Variants in HSD17B4 observed in about 807,000 individuals in gnomAD.
The protein encoded by HSD17B4 is hydroxysteroid 17-beta dehydrogenase 4.
HSD17B4 carries 70 observed loss-of-function variants against 101.0 expected under a neutral mutation model. That is an observed-to-expected ratio of 0.69 (90% confidence interval 0.57 to 0.85). HSD17B4 has a LOEUF of 0.85. Ranked by LOEUF, HSD17B4 falls within the 40% of genes least tolerant of loss-of-function variation. HSD17B4 has a pLI of 0.00. For missense variants in HSD17B4, 984 were observed against 892.4 expected, an observed-to-expected ratio of 1.10 and a Z score of -1.31; for synonymous variants, 347 against 297.1, an observed-to-expected ratio of 1.17 and a Z score of -1.73.
chr5:119,492,248 A>C (rs750618675), intron 10 of HSD17B4, 124 bp downstream of exon 10: 20 of 782,030 alleles, frequency 2.6e-5, no homozygotes, highest in Non-Finnish European at 4.2e-5. Context: ...TTGCATATTC[A>C]AACTTAAACA....
rs1215297835 is a variant in HSD17B4 at position 119,515,026 on chromosome 5, G to C, written c.1483G>C (p.Asp495His). The C allele has an allele frequency of 6.3e-7, 1 of 1,583,258 alleles. No individual in the cohort carries two copies. Among genetic ancestry groups the C allele is most frequent in the Non-Finnish European group, 8.7e-7 (1 of 1,152,248 alleles). ...PNRPPDAVLT[D>H]TTSLNQAALY... ...TAGACCTCCTGATGCTGTACTTACA[G>C]ATACCACCTCTCTTAATCAGGTAAG... The change falls in exon 17 of 24, where the codon GAT becomes CAT. Residue 495 changes from aspartate to histidine, a missense_variant. Transcript: ENST00000510025.
chr5:119,464,629 G>T (rs1755629882), intron 2 of HSD17B4: 1 of 151,728 alleles, frequency 6.6e-6, no homozygotes, highest in African/African-American at 2.4e-5. Flanking sequence ...ATCTCGCTCT[G>T]TCGCCCAGGT....
Position 119,499,564 on chromosome 5 carries a change from T to C in HSD17B4, c.1209+11T>C. 2 of 1,483,572 alleles carry C rather than the reference T, an allele frequency of 1.3e-6. No homozygotes were observed. The highest frequency in any genetic ancestry group is 1.7e-5 in the Admixed American group (1 of 59,826). 91.9% of individuals were successfully genotyped at this position (1,483,572 alleles called of 1,614,324 possible). Reference sequence around the variant, plus strand: ...ATCAACTTTGCAAAGGTATGCCTAATAAAAAACCTTTATTTTGCTTTTCTA... The same window carrying C: ...ATCAACTTTGCAAAGGTATGCCTAACAAAAAACCTTTATTTTGCTTTTCTA... On this transcript the variant is annotated intron_variant, in intron 13 of 23. Coordinates refer to ENST00000510025, the MANE Select transcript of HSD17B4 (RefSeq NM_000414.4).
intron 16 of HSD17B4, among the ~76,000 whole-genome samples, chr5:119,510,647 G>A (rs1157785648): frequency 2.0e-5 from 3 of 152,174 alleles, no homozygotes; most frequent in African/African-American, 7.2e-5. Flanking sequence ...TGTTCTAAGG[G>A]TATAGAGCAA....
At chr5:119,477,654 A>G in intron 7 of HSD17B4, 153 bp downstream of exon 7, 1 of 664,394 alleles carries the variant, frequency 1.5e-6, no homozygotes, top group Non-Finnish European at 2.8e-6. Flanking sequence ...ACATACCCTC[A>G]TTAAATTGGT....
rs72563763 is a variant in HSD17B4, at chr5:119,534,854, G to A, written c.1994-1569G>A. 1.7e-3 allele frequency among the ~76,000 whole-genome samples: 266 copies of A among 152,146 alleles called. 6 individuals carry two copies. In the East Asian group the frequency reaches 0.049, roughly 28 times the overall value. On this transcript the variant is annotated intron_variant, in intron 22 of 23. Transcript: ENST00000510025. The stretch of plus-strand genomic sequence containing the variant: ...CTTACTAACAGCAGCTCCTGACTGC[G>A]TGCTCATGTACATTTATCTTCAAAA...
chr5:119,483,722 A>T (rs963065366), intron 8 of HSD17B4, among the ~76,000 whole-genome samples: 1 of 152,110 alleles, frequency 6.6e-6, no homozygotes, highest in African/African-American at 2.4e-5. Context: ...TCAACAGCCA[A>T]TTTTGTTTCA....
rs769469403 is a variant in HSD17B4, at chr5:119,531,288, T to C, written c.1877T>C (p.Phe626Ser). ...TAGGGCGGGAAGCTTCAGAGTACCT[T>C]TGTATTTGAGGAAATAGGACGCCGC... ...PSEGGKLQST[F>S]VFEEIGRRLK... is the part of the protein sequence containing the mutation. The change falls in exon 22 of 24, where the codon TTT becomes TCT. Residue 626 changes from phenylalanine to serine, a missense_variant. Transcript: ENST00000510025. 3 of 1,613,724 alleles carry C rather than the reference T, an allele frequency of 1.9e-6. No homozygotes were observed. The Admixed American group carries it at 5.0e-5, about 27-fold the overall frequency.
At chr5:119,531,810 C>T (rs905098595) in intron 22 of HSD17B4, among the ~76,000 whole-genome samples, 1 of 152,042 alleles carries the variant, frequency 6.6e-6, no homozygotes, top group Admixed American at 6.6e-5. Flanking sequence ...TTATTTTATT[C>T]ATACCAAAAC....
intron 14 of HSD17B4, among the ~76,000 whole-genome samples, chr5:119,502,860 A>T (rs558615461): frequency 6.6e-6 from 1 of 152,158 alleles, no homozygotes; most frequent in Admixed American, 6.6e-5. Flanking sequence ...GTATTATAGC[A>T]TAAGGTTTCA....
intron 8 of HSD17B4, among the ~76,000 whole-genome samples, chr5:119,479,713 T>C (rs1748938841): frequency 6.6e-6 from 1 of 152,186 alleles, no homozygotes; most frequent in Admixed American, 6.6e-5. Context: ...GGTATGAATG[T>C]ACTACAATTT....
At chr5:119,536,690 C>G (rs1056726937) in intron 23 of HSD17B4, 140 bp downstream of exon 23, 1 of 760,670 alleles carries the variant, frequency 1.3e-6, no homozygotes, top group African/African-American at 1.7e-5. Context: ...GCTACTGATA[C>G]TCTGGTTGAC....
chr5:119,452,962 T>A, intron 1 of HSD17B4: 1 of 985,246 alleles, frequency 1.0e-6, no homozygotes, highest in Non-Finnish European at 1.5e-6. Flanking sequence ...TTGTTACTCT[T>A]CCTGCAATTA....
At chr5:119,460,313 C>G (rs1355861910) in intron 2 of HSD17B4, among the ~76,000 whole-genome samples, 1 of 152,124 alleles carries the variant, frequency 6.6e-6, no homozygotes, top group Non-Finnish European at 1.5e-5. Flanking sequence ...ACTTAGTAAT[C>G]AAGAATATAT....
intron 22 of HSD17B4, chr5:119,536,073 A>C (rs1754507414): frequency 3.6e-6 from 1 of 276,154 alleles, no homozygotes; most frequent in African/African-American, 2.3e-5. Flanking sequence ...GAATTCTGCC[A>C]CTAAGAGAAA....
At position 119,525,971 on chromosome 5, in the gene HSD17B4, G is replaced by A. The variant is rs201009485; in HGVS notation, c.1628G>A (p.Arg543His). 1.4e-5 allele frequency: 23 copies of A among 1,611,502 alleles called. No individual in the cohort carries two copies. In the Admixed American group the frequency reaches 3.0e-4, roughly 21 times the overall value. ...TGTACATTTGGATTTTCTGCCAGGC[G>A]TGTGTTACAGCAGTTTGCAGATAAT... ...GLCTFGFSAR[R>H]VLQQFADNDV... is the part of the protein sequence containing the mutation. The change falls in exon 19 of 24, where the codon CGT becomes CAT. Residue 543 changes from arginine to histidine, a missense_variant. Transcript: ENST00000510025.
intron 8 of HSD17B4, among the ~76,000 whole-genome samples, chr5:119,482,249 C>T (rs544901255): frequency 2.6e-5 from 4 of 152,160 alleles, no homozygotes; most frequent in African/African-American, 9.6e-5. Context: ...TCTTCAAGGT[C>T]ACTGATTTTT....
chr5:119,471,044 G>A (rs1308840838), intron 2 of HSD17B4, among the ~76,000 whole-genome samples: 2 of 152,180 alleles, frequency 1.3e-5, no homozygotes, highest in East Asian at 3.8e-4. Flanking sequence ...CTTGGGGGTA[G>A]TGTTTCATTG....
At chr5:119,500,271 G>A (rs1460565950) in intron 13 of HSD17B4, among the ~76,000 whole-genome samples, 1 of 151,878 alleles carries the variant, frequency 6.6e-6, no homozygotes, top group Admixed American at 6.6e-5. Context: ...CAAGGATGAA[G>A]ATGTTTGTTC....
Sources: allele counts gnomAD v4.1 joint callset (sites outside exome capture counted in the v4.1 genomes callset), GRCh38; gene constraint gnomAD v4.1.1; transcripts MANE v1.5; gene names NCBI Gene and HGNC (gene_info 2026-07-23, HGNC 2026-07-21).